Variants in BCAR1 observed in about 807,000 individuals in gnomAD.
BCAR1 encodes breast cancer anti-estrogen resistance protein 1.
Under a neutral mutation model 67.6 loss-of-function variants are expected in BCAR1, and 30 were observed. That is an observed-to-expected ratio of 0.44 (90% CI 0.33 to 0.60). The LOEUF (loss-of-function observed/expected upper bound fraction) is 0.60, where lower values mean the gene tolerates loss of function less well. BCAR1 is among the 20% of genes least tolerant of loss of function. The pLI is 0.02. For missense variants in BCAR1, 1,313 were observed against 1,222.3 expected (o/e 1.07, Z -1.11); for synonymous variants, 626 against 556.7 (o/e 1.12, Z -1.75).
At chr16:75,266,901 G>T in intron 1 of BCAR1, 1 of 759,852 alleles carries the variant, frequency 1.3e-6, no homozygotes, top group Non-Finnish European at 1.8e-6. Flanking sequence ...TCATGGCGGG[G>T]ACCTGGGGGC....
At chr16:75,243,175 G>A (rs2151437100) in intron 1 of BCAR1, 85 bp from the exon 2 acceptor site, 1 of 1,403,638 alleles carries the variant, frequency 7.1e-7, no homozygotes, top group East Asian at 2.3e-5. Context: ...GCTCTGGGGA[G>A]GTGCCCAGCT....
chr16:75,239,907 C>T (rs947426759), intron 2 of BCAR1, among the ~76,000 whole-genome samples: 6 of 152,242 alleles, frequency 3.9e-5, no homozygotes, highest in Admixed American at 3.9e-4. Context: ...GACCTCACGC[C>T]ATGGCTGTCT....
upstream of BCAR1, chr16:75,252,329 C>G: frequency 2.0e-6 from 3 of 1,536,108 alleles, no homozygotes; most frequent in Non-Finnish European, 1.7e-6. Flanking sequence ...AGCCTAAAAC[C>G]TGGGCCTAGT....
chr16:75,234,555 G>A (rs959712937), intron 5 of BCAR1, among the ~76,000 whole-genome samples: 1 of 152,188 alleles, frequency 6.6e-6, no homozygotes, highest in Admixed American at 6.5e-5. Flanking sequence ...AGCCTGGGAG[G>A]AGCAGTCCCA....
At chr16:75,254,430 A>G (rs1266827939), upstream of BCAR1, among the ~76,000 whole-genome samples, 1 of 152,158 alleles carries the variant, frequency 6.6e-6, no homozygotes, top group Non-Finnish European at 1.5e-5. Flanking sequence ...GGTGCAGTAA[A>G]CATTTGTTGA....
intron 1 of BCAR1, among the ~76,000 whole-genome samples, chr16:75,245,135 G>C (rs1419681004): frequency 6.6e-6 from 1 of 152,068 alleles, no homozygotes; most frequent in Non-Finnish European, 1.5e-5. Flanking sequence ...AGCCCACCGG[G>C]CTCAGGGCCC....
intron 2 of BCAR1, chr16:75,238,074 T>G (rs866577950): frequency 7.8e-7 from 1 of 1,288,836 alleles, no homozygotes; most frequent in South Asian, 1.2e-5. Context: ...AGCCCTCCCC[T>G]CCCCAGGTGC....
At chr16:75,248,457 C>G (rs2077585954) in intron 1 of BCAR1, 1 of 829,846 alleles carries the variant, frequency 1.2e-6, no homozygotes, top group Non-Finnish European at 1.6e-6. Context: ...AACTGGCCAT[C>G]CGCACCCGGG....
intron 1 of BCAR1, chr16:75,264,736 G>T: frequency 9.7e-7 from 1 of 1,035,622 alleles, no homozygotes; most frequent in African/African-American, 1.7e-5. Context: ...GAGGCCACTT[G>T]CCAGAAAGCC....
rs552263540 is a variant in BCAR1, at chr16:75,230,211, T to C, written c.2101-188A>G. On this transcript the variant is annotated intron_variant, in intron 6 of 6. Coordinates refer to ENST00000162330, the MANE Select transcript of BCAR1 (RefSeq NM_014567.5). ...GGAACCATGGCAAGCCTTCTGGAGG[T>C]TGTTCAGTTACCCTTCCACCAGTCT... 8.7e-4 allele frequency among the ~76,000 whole-genome samples: 132 copies of C among 152,188 alleles called. 2 individuals are homozygous for C. Among genetic ancestry groups the C allele is most frequent in the African/African-American group, 3.0e-3 (126 of 41,518 alleles).
upstream of BCAR1, among the ~76,000 whole-genome samples, chr16:75,255,672 T>C (rs941154115): frequency 2.2e-5 from 3 of 134,408 alleles, no homozygotes; most frequent in South Asian, 4.7e-4. Context: ...GCCTGGGCGA[T>C]AGAGCAAGGC....
rs1336629182 is a variant in BCAR1, at chr16:75,248,463, C to T, written c.12+3008G>A. 3 of 707,680 alleles carry T rather than the reference C, an allele frequency of 4.2e-6. No homozygotes were observed. The African/African-American group carries it at 5.6e-5, about 13-fold the overall frequency. The allele number at this position is 707,680 out of a possible 1,614,324, so 43.8% of individuals were successfully genotyped here. On this transcript the variant is annotated intron_variant, in intron 1 of 6. Transcript: ENST00000162330. ...CATGCGCCCAACTGGCCATCCGCAC[C>T]CGGGACCCACCTGGAGGGGTCCTGA...
chr16:75,240,309 T>A (rs770702282), intron 2 of BCAR1, among the ~76,000 whole-genome samples: 22 of 152,096 alleles, frequency 1.4e-4, no homozygotes, highest in Non-Finnish European at 3.2e-4. Flanking sequence ...GGCCTGAGGC[T>A]TGGAGGGGAG....
chr16:75,232,886 C>T (rs1391141544), intron 6 of BCAR1, among the ~76,000 whole-genome samples: 1 of 152,160 alleles, frequency 6.6e-6, no homozygotes, highest in Non-Finnish European at 1.5e-5. Flanking sequence ...AGAAGGTAGG[C>T]GAGGGAGATT....
At chr16:75,248,356 A>C in intron 1 of BCAR1, 1 of 1,281,812 alleles carries the variant, frequency 7.8e-7, no homozygotes, top group Non-Finnish European at 1.0e-6. Flanking sequence ...ACCATCACAA[A>C]CTTGGGCCAA....
chr16:75,262,501 G>GA (rs1437599455), intron 1 of BCAR1, among the ~76,000 whole-genome samples: 3 of 152,228 alleles, frequency 2.0e-5, no homozygotes, highest in Admixed American at 6.5e-5. Flanking sequence ...CCTACAGAGG[G>GA]AGGGACAGGC....
rs779691163 is a variant in BCAR1 at position 75,229,718 on chromosome 16, C to T, written c.2406G>A (p.Gln802=). Residue 802 remains glutamine, a synonymous_variant, in exon 7 of 7, where the codon CAG becomes CAA. Coordinates refer to ENST00000162330, the MANE Select transcript of BCAR1 (RefSeq NM_014567.5). ...GGCTGCGCACGTCAGCAGCCTTGGC[C>T]TGCCGTGACAGTGTGTCCCCGATGA... The part of the protein sequence containing the change: ...LVFIGDTLSR[Q]AKAADVRSQV... 1 of 1,613,168 alleles carries T rather than the reference C, an allele frequency of 6.2e-7. No individual in the cohort carries two copies. The highest frequency in any genetic ancestry group is 1.1e-5 in the South Asian group (1 of 91,082).
chr16:75,237,269 G>C lies in BCAR1; in HGVS notation c.709C>G (p.Pro237Ala), dbSNP rs1443567248. The C allele has an allele frequency of 2.0e-6, 3 of 1,525,696 alleles. No individual in the cohort carries two copies. The highest frequency in any genetic ancestry group is 2.6e-6 in the Non-Finnish European group (3 of 1,141,402). 94.5% of individuals were successfully genotyped at this position (1,525,696 alleles called of 1,614,324 possible). The change falls in exon 3 of 7, where the codon CCG becomes GCG. Residue 237 changes from proline (P) to alanine (A), a missense_variant. Physicochemically the swap from Pro to Ala is conservative, Grantham distance 27. Coordinates refer to ENST00000162330, the MANE Select transcript of BCAR1 (RefSeq NM_014567.5). The stretch of plus-strand genomic sequence containing the variant: ...GGCCCCGGGGCCAGCAGGTGTCGCG[G>C]GATGTCGTACTCGTCCTGCTCCGGC... Reference protein sequence around the residue: ...AQPEQDEYDIPRHLLAPGPQD... With the variant: ...AQPEQDEYDIARHLLAPGPQD...
rs1413602628 is a variant in BCAR1, at chr16:75,235,909, G to C, written c.990C>G (p.Pro330=). The C allele has an allele frequency of 1.9e-6, 3 of 1,566,054 alleles. No individual in the cohort carries two copies. In the African/African-American group the frequency reaches 4.1e-5, roughly 21 times the overall value. Residue 330 remains proline, a synonymous_variant, in exon 5 of 7, where the codon CCC becomes CCG. Coordinates refer to ENST00000162330, the MANE Select transcript of BCAR1 (RefSeq NM_014567.5). ...AGGGCTTGGCCTTGGCGAAGGCGGG[G>C]GGCACATCGTAGGTCTCCTCACGCA... The part of the protein sequence containing the change: ...PLLREETYDV[P]PAFAKAKPFD...
Sources: allele counts gnomAD v4.1 joint callset (sites outside exome capture counted in the v4.1 genomes callset), GRCh38; gene constraint gnomAD v4.1.1; transcripts MANE v1.5; gene names NCBI Gene and HGNC (gene_info 2026-07-23, HGNC 2026-07-21).